DMD: variants seen among roughly 807,000 people sequenced by gnomAD.
DMD encodes mutant dystrophin.
DMD carries 63 observed loss-of-function variants against 330.1 expected under a neutral mutation model. The ratio of observed to expected loss-of-function variants is 0.19; its 90% CI spans 0.16 to 0.24. The LOEUF (loss-of-function observed/expected upper bound fraction) is 0.24, where lower values mean the gene tolerates loss of function less well. DMD is among the 10% of genes least tolerant of loss of function. DMD has a pLI of 1.00. For missense variants in DMD, 3,344 were observed against 2,684.1 expected (o/e 1.25, Z -5.43); for synonymous variants, 1,223 against 959.8 (o/e 1.27, Z -5.07).
chrX:33,007,870 A>T (rs995596992), intron 2 of DMD, among the ~76,000 whole-genome samples: 9 of 111,909 alleles, frequency 8.0e-5, no homozygotes, highest in African/African-American at 2.9e-4. Context: ...AGGTAATTTT[A>T]ATAGGACTAG....
chrX:31,120,174 A>AAATC lies in DMD; in HGVS notation c.*1741_*1744dup, dbSNP rs2032145191. 1 of 111,709 alleles carries AAATC rather than the reference A, an allele frequency of 9.0e-6. No homozygotes were observed. Among genetic ancestry groups the AAATC allele is most frequent in the South Asian group, 3.7e-4 (1 of 2,696 alleles). 9.2% of individuals were successfully genotyped at this position (111,709 alleles called of 1,213,427 possible). A position where few individuals can be genotyped will look rare whatever the true frequency, so the allele number is the denominator to read the frequency against. On this transcript the variant is annotated 3_prime_UTR_variant, in exon 79 of 79. Transcript: ENST00000357033. ...GGTATCTATTGAATGAATGATTTAA[A>AAATC]AATCAAAAAGAAATAAAATGGCATG...
At chrX:31,816,060 C>T (rs999056575) in intron 50 of DMD, among the ~76,000 whole-genome samples, 9 of 112,207 alleles carry the variant, frequency 8.0e-5, no homozygotes, top group Non-Finnish European at 1.7e-4. Flanking sequence ...CCAAGCAAGA[C>T]CATCAGAATA....
At chrX:31,145,662 A>ATTTTTTTTTTT (rs749721258) in intron 76 of DMD, among the ~76,000 whole-genome samples, 2 of 86,291 alleles carry the variant, frequency 2.3e-5, no homozygotes, top group African/African-American at 9.3e-5. Flanking sequence ...TGGGAACTCT[A>ATTTTTTTTTTT]TTTTTTTTTT....
chrX:32,095,198 C>A (rs1037201252), intron 44 of DMD, among the ~76,000 whole-genome samples: 1 of 111,334 alleles, frequency 9.0e-6, no homozygotes, highest in African/African-American at 3.3e-5. Flanking sequence ...TTTGAATCAT[C>A]GTCCACTGCC....
At chrX:31,153,235 C>T (rs2037669897) in intron 74 of DMD, among the ~76,000 whole-genome samples, 2 of 111,884 alleles carry the variant, frequency 1.8e-5, no homozygotes, top group Admixed American at 1.9e-4. Flanking sequence ...CCTCTTCCCT[C>T]GGCTCTATGC....
chrX:31,575,455 T>C (rs1348425407), intron 55 of DMD, among the ~76,000 whole-genome samples: 1 of 111,975 alleles, frequency 8.9e-6, no homozygotes, highest in Non-Finnish European at 1.9e-5. Flanking sequence ...TAAATCATGC[T>C]GGTGTAACTG....
chrX:31,206,739 T>C (rs1438362767), intron 65 of DMD, 72 bp from the exon 66 acceptor site: 7 of 895,493 alleles, frequency 7.8e-6, no homozygotes, highest in Non-Finnish European at 1.1e-5. Context: ...TAGTTAAGAA[T>C]AAAGCCTTGA....
intron 44 of DMD, among the ~76,000 whole-genome samples, chrX:32,170,160 AT>A (rs1340378958): frequency 3.6e-5 from 4 of 110,166 alleles, no homozygotes; most frequent in Non-Finnish European, 5.7e-5. Context: ...ATATTTTTAT[AT>A]TTCTCAATAA....
intron 76 of DMD, among the ~76,000 whole-genome samples, chrX:31,139,922 T>C (rs1282235095): frequency 8.9e-6 from 1 of 112,461 alleles, no homozygotes; most frequent in African/African-American, 3.2e-5. Context: ...GCTTGTCTGA[T>C]TGTGGTCCAA....
chrX:31,165,030 T>C (rs748322416), intron 74 of DMD, among the ~76,000 whole-genome samples: 4 of 111,824 alleles, frequency 3.6e-5, no homozygotes, highest in Non-Finnish European at 3.8e-5. Context: ...CTTTTCACCA[T>C]CATTGGAGAC....
At chrX:31,641,524 G>T (rs1004563079) in intron 54 of DMD, among the ~76,000 whole-genome samples, 3 of 101,882 alleles carry the variant, frequency 2.9e-5, no homozygotes. Context: ...AAAAAAAAAG[G>T]AATAAGGAGA....
At chrX:32,060,006 T>C (rs1834703344) in intron 44 of DMD, among the ~76,000 whole-genome samples, 1 of 111,330 alleles carries the variant, frequency 9.0e-6, no homozygotes, top group Admixed American at 9.6e-5. Flanking sequence ...AAGTAGTTTG[T>C]TATTTGTCTT....
intron 74 of DMD, among the ~76,000 whole-genome samples, chrX:31,160,345 T>C (rs1343401002): frequency 9.0e-6 from 1 of 111,512 alleles, no homozygotes; most frequent in Non-Finnish European, 1.9e-5. Flanking sequence ...ACAGGGTAAC[T>C]GCTTCACCAC....
intron 1 of DMD, among the ~76,000 whole-genome samples, chrX:33,091,465 C>T (rs2095084576): frequency 9.0e-6 from 1 of 111,654 alleles, no homozygotes; most frequent in Non-Finnish European, 1.9e-5. Flanking sequence ...TCTGAGGAGT[C>T]CCACAGCTTT....
At chrX:31,400,292 G>C (rs1477968080) in intron 60 of DMD, among the ~76,000 whole-genome samples, 1 of 111,063 alleles carries the variant, frequency 9.0e-6, no homozygotes, top group Admixed American at 9.5e-5. Flanking sequence ...TCAAAAGAAT[G>C]CAACCATTTA....
rs187058675 is a variant in DMD, at chrX:31,188,774, C to T, written c.9808-5870G>A. 3.9e-4 allele frequency among the ~76,000 whole-genome samples: 44 copies of T among 111,835 alleles called. No individual in the cohort carries two copies. In the Middle Eastern group the frequency reaches 0.019, roughly 47 times the overall value. ...TTGGTCCTCACCTGCCAGCAACTAT[C>T]CATAACAGAAAAGCTAGGGGAAGGA... On this transcript the variant is annotated intron_variant, in intron 67 of 78. Coordinates refer to ENST00000357033, the MANE Select transcript of DMD (RefSeq NM_004006.3).
chrX:33,116,785 C>G (rs995467825), intron 1 of DMD, among the ~76,000 whole-genome samples: 1 of 110,994 alleles, frequency 9.0e-6, no homozygotes, highest in Non-Finnish European at 1.9e-5. Flanking sequence ...GAAAAAGATT[C>G]CAGAAAGGGG....
At chrX:32,352,443 TAATC>T (rs960350061) in intron 37 of DMD, among the ~76,000 whole-genome samples, 3 of 111,001 alleles carry the variant, frequency 2.7e-5, no homozygotes, top group Non-Finnish European at 5.7e-5. Flanking sequence ...TATAAACTCA[TAATC>T]AATACAAAAA....
intron 2 of DMD, among the ~76,000 whole-genome samples, chrX:32,987,313 C>T (rs2092870341): frequency 9.0e-6 from 1 of 111,505 alleles, no homozygotes; most frequent in Non-Finnish European, 1.9e-5. Flanking sequence ...ACTTGGCATT[C>T]CTGCTTGAGT....
Sources: allele counts gnomAD v4.1 joint callset (sites outside exome capture counted in the v4.1 genomes callset), GRCh38; gene constraint gnomAD v4.1.1; transcripts MANE v1.5; gene names NCBI Gene and HGNC (gene_info 2026-07-23, HGNC 2026-07-21).